MET: variants seen among roughly 807,000 people sequenced by gnomAD.
MET encodes hepatocyte growth factor receptor.
In MET, 48 loss-of-function variants were observed where a neutral mutation model predicts 133.1. The observed-to-expected ratio is 0.36, with a 90% CI of 0.29 to 0.46. The LOEUF (loss-of-function observed/expected upper bound fraction) is 0.46, where lower values mean the gene tolerates loss of function less well. Among genes scored for constraint, MET ranks in the 20% least tolerant of loss-of-function variants. MET has a pLI of 1.00. For synonymous variants in MET, 628 were observed against 616.5 expected, an observed-to-expected ratio of 1.02 and a Z score of -0.28; for missense variants, 1,442 against 1,695.9, an observed-to-expected ratio of 0.85 and a Z score of 2.63.
intron 2 of MET, among the ~76,000 whole-genome samples, chr7:116,718,028 TTAACTC>T (rs1332205384): frequency 1.3e-5 from 2 of 152,178 alleles, no homozygotes; most frequent in Non-Finnish European, 2.9e-5. Flanking sequence ...TTCCTATTCT[TTAACTC>T]TATGACAGTA....
At chr7:116,732,263 T>C (rs1389408592) in intron 3 of MET, among the ~76,000 whole-genome samples, 1 of 152,184 alleles carries the variant, frequency 6.6e-6, no homozygotes, top group Non-Finnish European at 1.5e-5. Flanking sequence ...AACATTCACA[T>C]CATTGAGAAA....
chr7:116,685,602 C>T (rs1796522838), intron 1 of MET, among the ~76,000 whole-genome samples: 1 of 152,126 alleles, frequency 6.6e-6, no homozygotes, highest in Non-Finnish European at 1.5e-5. Context: ...AGGAGAATCG[C>T]TTGAACTTGG....
intron 11 of MET, among the ~76,000 whole-genome samples, chr7:116,768,585 A>G (rs1337161917): frequency 6.6e-6 from 1 of 152,236 alleles, no homozygotes; most frequent in African/African-American, 2.4e-5. Context: ...TTCTTTTCCT[A>G]GAATAATAAC....
intron 1 of MET, among the ~76,000 whole-genome samples, chr7:116,673,239 C>T (rs1445967834): frequency 6.6e-6 from 1 of 152,214 alleles, no homozygotes; most frequent in Non-Finnish European, 1.5e-5. Context: ...GCAGAATTTA[C>T]TCCGAAGTAC....
chr7:116,772,239 A>G (rs1794859813), intron 14 of MET, among the ~76,000 whole-genome samples: 1 of 152,180 alleles, frequency 6.6e-6, no homozygotes, highest in Non-Finnish European at 1.5e-5. Context: ...GAGCAAAAGT[A>G]ATTTGTTTAT....
At position 116,795,992 on chromosome 7, in the gene MET, G is replaced by A. The variant is rs1562941622; in HGVS notation, c.4041G>A (p.Glu1347=). ...CGATCTTCTCTACTTTCATTGGGGA[G>A]CACTATGTCCATGTGAACGCTACTT... The part of the protein sequence containing the change: ...ISAIFSTFIG[E]HYVHVNATYV... Residue 1347 remains glutamate, a synonymous_variant, in exon 21 of 21, where the codon GAG becomes GAA. Coordinates refer to ENST00000397752, the MANE Select transcript of MET (RefSeq NM_000245.4). The A allele has an allele frequency of 1.9e-6, 3 of 1,614,128 alleles. No individual in the cohort carries two copies. Among genetic ancestry groups the A allele is most frequent in the South Asian group, 2.2e-5 (2 of 91,074 alleles).
chr7:116,727,782 T>C (rs781197995), intron 2 of MET, among the ~76,000 whole-genome samples: 3 of 152,186 alleles, frequency 2.0e-5, no homozygotes, highest in Non-Finnish European at 4.4e-5. Context: ...TCTACAGTGC[T>C]GAGATAAAGC....
chr7:116,749,393 C>G (rs1286621135), intron 5 of MET, among the ~76,000 whole-genome samples: 2 of 152,072 alleles, frequency 1.3e-5, no homozygotes, highest in African/African-American at 4.8e-5. Flanking sequence ...AAAAGGCCTT[C>G]GATAAAATTC....
chr7:116,708,209 A>G (rs1263924065), intron 2 of MET, among the ~76,000 whole-genome samples: 1 of 152,158 alleles, frequency 6.6e-6, no homozygotes, highest in Non-Finnish European at 1.5e-5. Flanking sequence ...GTGAATGCAA[A>G]TGAGAGGGAA....
intron 2 of MET, among the ~76,000 whole-genome samples, chr7:116,717,759 A>G (rs1397937296): frequency 2.6e-5 from 4 of 152,230 alleles, no homozygotes; most frequent in Admixed American, 6.5e-5. Flanking sequence ...CAATTAAATG[A>G]ATCACTATTT....
At chr7:116,782,888 G>A (rs1246406545) in intron 18 of MET, among the ~76,000 whole-genome samples, 1 of 152,180 alleles carries the variant, frequency 6.6e-6, no homozygotes, top group African/African-American at 2.4e-5. Context: ...AAAAAGTAAA[G>A]TATCAGTCCC....
intron 2 of MET, among the ~76,000 whole-genome samples, chr7:116,717,374 C>T (rs1792284373): frequency 6.6e-6 from 1 of 152,170 alleles, no homozygotes; most frequent in African/African-American, 2.4e-5. Context: ...CAGTCAGTTC[C>T]ACACTGTCCT....
chr7:116,692,962 A>G (rs1796825938), intron 1 of MET, among the ~76,000 whole-genome samples: 1 of 152,202 alleles, frequency 6.6e-6, no homozygotes, highest in African/African-American at 2.4e-5. Flanking sequence ...GAAACAGTGA[A>G]AAGACAGTCT....
intron 2 of MET, among the ~76,000 whole-genome samples, chr7:116,702,589 T>C (rs915193160): frequency 2.0e-5 from 3 of 152,212 alleles, no homozygotes; most frequent in Non-Finnish European, 2.9e-5. Flanking sequence ...GCAGATTTAC[T>C]TGGCCAGAAA....
intron 5 of MET, among the ~76,000 whole-genome samples, chr7:116,751,500 C>T (rs1387050963): frequency 1.3e-5 from 2 of 152,108 alleles, no homozygotes; most frequent in Non-Finnish European, 2.9e-5. Flanking sequence ...GTGTCTTAAA[C>T]TTTGCAGGCA....
At chr7:116,789,399 T>C (rs1000044357) in intron 19 of MET, among the ~76,000 whole-genome samples, 1 of 152,242 alleles carries the variant, frequency 6.6e-6, no homozygotes, top group Non-Finnish European at 1.5e-5. Context: ...CTTTGATTAA[T>C]GGCATCACCA....
intron 1 of MET, among the ~76,000 whole-genome samples, chr7:116,676,671 GGCT>G (rs2116447116): frequency 6.6e-6 from 1 of 152,300 alleles, no homozygotes; most frequent in East Asian, 1.9e-4. Flanking sequence ...GGTCAGGGAA[GGCT>G]TGTCTTCAAA....
intron 19 of MET, among the ~76,000 whole-genome samples, chr7:116,791,847 T>C (rs1795508399): frequency 6.6e-6 from 1 of 152,170 alleles, no homozygotes; most frequent in African/African-American, 2.4e-5. Flanking sequence ...GTATTTTTAG[T>C]AGAGACAGGG....
chr7:116,717,763 A>G (rs1313257892), intron 2 of MET, among the ~76,000 whole-genome samples: 1 of 152,244 alleles, frequency 6.6e-6, no homozygotes, highest in African/African-American at 2.4e-5. Flanking sequence ...TAAATGAATC[A>G]CTATTTTAAA....
Sources: gnomAD v4.1 joint callset for allele counts (sites outside exome capture counted in the v4.1 genomes callset) on GRCh38, gnomAD v4.1.1 for gene constraint, MANE v1.5 for transcripts, NCBI Gene and HGNC (gene_info 2026-07-23, HGNC 2026-07-21) for gene names.